CSMD1: variants seen among roughly 807,000 people sequenced by gnomAD.
CSMD1 encodes CUB and sushi domain-containing protein 1.
Under a neutral mutation model 417.5 loss-of-function variants are expected in CSMD1, and 213 were observed. The ratio of observed to expected loss-of-function variants is 0.51; its 90% CI spans 0.46 to 0.57. CSMD1 has a LOEUF of 0.57. Ranked by LOEUF, CSMD1 falls within the 20% of genes least tolerant of loss-of-function variation. CSMD1 has a pLI of 0.00. For missense variants in CSMD1, 6,923 were observed against 4,529.7 expected (o/e 1.53, Z -15.17); for synonymous variants, 2,862 against 1,736.8 (o/e 1.65, Z -16.11).
At chr8:4,876,963 A>T (rs1424472291) in intron 1 of CSMD1, among the ~76,000 whole-genome samples, 1 of 152,118 alleles carries the variant, frequency 6.6e-6, no homozygotes, top group Non-Finnish European at 1.5e-5. Context: ...ATGTAATTTT[A>T]TGACAATTAA....
At chr8:3,000,901 C>T (rs867390170) in intron 52 of CSMD1, among the ~76,000 whole-genome samples, 2 of 152,138 alleles carry the variant, frequency 1.3e-5, no homozygotes, top group African/African-American at 2.4e-5. Flanking sequence ...AATTGACAAA[C>T]ATGGCATTGA....
chr8:4,124,772 C>T (rs189951941), intron 3 of CSMD1, among the ~76,000 whole-genome samples: 32 of 152,270 alleles, frequency 2.1e-4, no homozygotes, highest in African/African-American at 7.5e-4. Flanking sequence ...TTCAACCAAT[C>T]ATATAGGAAG....
chr8:3,911,381 A>G (rs941198784), intron 5 of CSMD1, among the ~76,000 whole-genome samples: 70 of 152,058 alleles, frequency 4.6e-4, no homozygotes, highest in African/African-American at 1.7e-3. Flanking sequence ...ACAAAAAATT[A>G]GCTGGGTATG....
chr8:3,095,641 A>G (rs1563334102), intron 47 of CSMD1, among the ~76,000 whole-genome samples: 1 of 152,186 alleles, frequency 6.6e-6, no homozygotes, highest in Non-Finnish European at 1.5e-5. Context: ...CATCAAATCC[A>G]TTAGAATAAT....
At chr8:4,698,824 C>G (rs954249679) in intron 1 of CSMD1, among the ~76,000 whole-genome samples, 1 of 151,612 alleles carries the variant, frequency 6.6e-6, no homozygotes, top group African/African-American at 2.4e-5. Context: ...ATTTAGCTTT[C>G]AACCAGGAAA....
chr8:4,029,862 G>T (rs377134312), intron 4 of CSMD1, among the ~76,000 whole-genome samples: 1 of 151,750 alleles, frequency 6.6e-6, no homozygotes, highest in Non-Finnish European at 1.5e-5. Flanking sequence ...ACAAGAATTG[G>T]GTAAATACAG....
chr8:4,599,030 C>G (rs1800437322), intron 2 of CSMD1, among the ~76,000 whole-genome samples: 2 of 152,170 alleles, frequency 1.3e-5, no homozygotes, highest in South Asian at 4.1e-4. Flanking sequence ...ATGTATTAAA[C>G]TCTTTACTTA....
At chr8:4,912,534 T>C (rs1373095702) in intron 1 of CSMD1, among the ~76,000 whole-genome samples, 1 of 152,158 alleles carries the variant, frequency 6.6e-6, no homozygotes, top group Non-Finnish European at 1.5e-5. Flanking sequence ...TAAGCTCGTC[T>C]CAATCCCACC....
intron 23 of CSMD1, among the ~76,000 whole-genome samples, chr8:3,325,156 G>A (rs753056001): frequency 6.6e-6 from 1 of 152,166 alleles, no homozygotes; most frequent in East Asian, 1.9e-4. Flanking sequence ...GCAACAGCAT[G>A]ACCTGTGACC....
chr8:4,046,519 C>G (rs758898196), intron 3 of CSMD1, among the ~76,000 whole-genome samples: 3 of 152,118 alleles, frequency 2.0e-5, no homozygotes, highest in Non-Finnish European at 4.4e-5. Flanking sequence ...TTGCTGTTGC[C>G]TTACACGTCA....
intron 1 of CSMD1, among the ~76,000 whole-genome samples, chr8:4,822,808 G>C (rs1302727743): frequency 6.6e-6 from 1 of 151,894 alleles, no homozygotes; most frequent in East Asian, 1.9e-4. Context: ...ATATTTCTTG[G>C]TTTGATGAAA....
At chr8:3,597,779 T>C (rs1244927281) in intron 8 of CSMD1, among the ~76,000 whole-genome samples, 1 of 151,756 alleles carries the variant, frequency 6.6e-6, no homozygotes, top group Non-Finnish European at 1.5e-5. Flanking sequence ...AAGTGGGAGT[T>C]GAACAATGAG....
chr8:2,978,836 C>G (rs779427956), intron 54 of CSMD1, 36 bp from the exon 55 acceptor site: 2 of 1,528,336 alleles, frequency 1.3e-6, no homozygotes, highest in Non-Finnish European at 1.8e-6. Context: ...CATTTAGAAA[C>G]AGCTAGAAAT....
intron 3 of CSMD1, among the ~76,000 whole-genome samples, chr8:4,276,741 G>A (rs553371607): frequency 6.6e-6 from 1 of 152,266 alleles, no homozygotes; most frequent in African/African-American, 2.4e-5. Flanking sequence ...AAATGTATAT[G>A]TGTTTTGATG....
At chr8:4,881,694 C>G (rs1803412061) in intron 1 of CSMD1, among the ~76,000 whole-genome samples, 1 of 152,010 alleles carries the variant, frequency 6.6e-6, no homozygotes, top group South Asian at 2.1e-4. Context: ...GCAACCTCAG[C>G]CCTTCCACTT....
At chr8:4,216,217 C>G (rs1442265447) in intron 3 of CSMD1, among the ~76,000 whole-genome samples, 2 of 152,162 alleles carry the variant, frequency 1.3e-5, no homozygotes, top group South Asian at 4.1e-4. Context: ...TCTTCCTTCC[C>G]TGTTCCTGCA....
chr8:3,858,970 G>C (rs1190875719), intron 5 of CSMD1, among the ~76,000 whole-genome samples: 1 of 152,138 alleles, frequency 6.6e-6, no homozygotes, highest in Admixed American at 6.5e-5. Context: ...AAAGTATAAC[G>C]ACATCAATCC....
rs930772331 is a variant in CSMD1, at chr8:4,180,952, C to G, written c.416-148853G>C. 5.9e-5 allele frequency among the ~76,000 whole-genome samples: 9 copies of G among 152,140 alleles called. 1 individual carries two copies. The South Asian group carries it at 8.3e-4, about 14-fold the overall frequency. On this transcript the variant is annotated intron_variant, in intron 3 of 69. Transcript: ENST00000635120. ...AAATTGCCCCACTCTGTTAATTAAG[C>G]CGGGGATGATGCTGTGATAATGGCT... is the stretch of plus-strand genomic sequence containing the variant.
chr8:4,110,151 T>C (rs1047827587), intron 3 of CSMD1, among the ~76,000 whole-genome samples: 1 of 152,062 alleles, frequency 6.6e-6, no homozygotes, highest in Admixed American at 6.6e-5. Flanking sequence ...GGTTTAAATA[T>C]GCAAATCTGC....
Sources: allele counts gnomAD v4.1 joint callset (sites outside exome capture counted in the v4.1 genomes callset), GRCh38; gene constraint gnomAD v4.1.1; transcripts MANE v1.5; gene names NCBI Gene and HGNC (gene_info 2026-07-23, HGNC 2026-07-21).